Variants in DENND4A observed in about 807,000 individuals in gnomAD.
The protein encoded by DENND4A is C-myc promoter-binding protein.
In DENND4A, 70 loss-of-function variants were observed where a neutral mutation model predicts 199.3. That is an observed-to-expected ratio of 0.35 (90% CI 0.29 to 0.43). The LOEUF is 0.43. Among genes scored for constraint, DENND4A ranks in the 20% least tolerant of loss-of-function variants. The pLI is 1.00. For synonymous variants in DENND4A, 686 were observed against 766.9 expected, an observed-to-expected ratio of 0.89 and a Z score of 1.74; for missense variants, 1,723 against 2,255.8, an observed-to-expected ratio of 0.76 and a Z score of 4.78.
intron 1 of DENND4A, among the ~76,000 whole-genome samples, chr15:65,779,806 T>G (rs966837774): frequency 8.5e-5 from 13 of 152,172 alleles, no homozygotes; most frequent in Non-Finnish European, 1.8e-4. Flanking sequence ...TATACCACCA[T>G]GCCCAGCTAA....
chr15:65,674,618 G>A lies in DENND4A; in HGVS notation c.4369+1827C>T, dbSNP rs185684761. Among the ~76,000 whole-genome samples the A allele has an allele frequency of 9.9e-4, 150 of 151,992 alleles. 2 individuals carry two copies. The East Asian group carries it at 0.024, about 24-fold the overall frequency. ...AAAATAGCCGGGTGTGCTGGTGCAC[G>A]CCTGTAGTCCCAGCTACTTGGGATG... On this transcript the variant is annotated intron_variant, in intron 24 of 32. Coordinates refer to ENST00000443035, the MANE Select transcript of DENND4A (RefSeq NM_001320835.1).
chr15:65,739,508 C>G (rs543414855), intron 5 of DENND4A, among the ~76,000 whole-genome samples: 1 of 152,238 alleles, frequency 6.6e-6, no homozygotes, highest in African/African-American at 2.4e-5. Context: ...CCACTGAATA[C>G]ACTCCAGGAA....
At chr15:65,772,873 T>C (rs913522334) in intron 1 of DENND4A, among the ~76,000 whole-genome samples, 22 of 151,986 alleles carry the variant, frequency 1.4e-4, no homozygotes, top group Admixed American at 7.2e-4. Flanking sequence ...TTCCACCATG[T>C]GAGGATACAC....
intron 13 of DENND4A, 135 bp from the exon 14 acceptor site, chr15:65,715,758 G>C: frequency 5.4e-6 from 4 of 745,172 alleles, no homozygotes; most frequent in Non-Finnish European, 4.1e-6. Flanking sequence ...AGTGCTGAGA[G>C]GGAAAATGAC....
rs1278680183 is a variant in DENND4A at position 65,732,826 on chromosome 15, A to C, written c.1041-8T>G. 6.4e-7 allele frequency: 1 copy of C among 1,557,590 alleles called. No homozygotes were observed. The highest frequency in any genetic ancestry group is 8.8e-7 in the Non-Finnish European group (1 of 1,132,002). On this transcript the variant is annotated splice_polypyrimidine_tract_variant and splice_region_variant and intron_variant, in intron 7 of 32. Coordinates refer to ENST00000443035, the MANE Select transcript of DENND4A (RefSeq NM_001320835.1). ...ATAAAATGAGAAATATGCCTTGAAAACAAACAAAAGTGTAAGTGATTCCAA... is the reference window on the plus strand; with the variant it reads ...ATAAAATGAGAAATATGCCTTGAAACCAAACAAAAGTGTAAGTGATTCCAA...
At chr15:65,717,142 C>A (rs1404462332) in intron 13 of DENND4A, among the ~76,000 whole-genome samples, 1 of 152,022 alleles carries the variant, frequency 6.6e-6, no homozygotes, top group Non-Finnish European at 1.5e-5. Context: ...AACCATGTCT[C>A]TCATCTTTTA....
intron 1 of DENND4A, among the ~76,000 whole-genome samples, chr15:65,764,574 T>C (rs1489080313): frequency 6.6e-6 from 1 of 151,908 alleles, no homozygotes; most frequent in East Asian, 1.9e-4. Context: ...GAGGTTGCAG[T>C]GAGCAGAGAT....
chr15:65,697,316 A>G lies in DENND4A; in HGVS notation c.2901T>C (p.Thr967=), dbSNP rs774363079. The G allele has an allele frequency of 6.2e-7, 1 of 1,608,666 alleles. No individual in the cohort carries two copies. ...KDEVRRGDTS[T]EDIQEEKDKK... is the part of the protein sequence containing the mutation. ...TATCTTTTTCTTCTTGAATGTCTTC[A>G]GTAGATGTATCCCCTCTTCTAACTT... The change falls in exon 21 of 33, where the codon ACT becomes ACC. Residue 967 remains threonine (T), a synonymous_variant. Transcript: ENST00000443035.
chr15:65,789,025 A>G (rs749011156), intron 1 of DENND4A, among the ~76,000 whole-genome samples: 3 of 151,980 alleles, frequency 2.0e-5, no homozygotes, highest in Non-Finnish European at 2.9e-5. Context: ...TTTATATTCT[A>G]ATTTTTCTCT....
In DENND4A at chr15:65,717,840, CT is replaced by C; in HGVS notation, c.1744del (p.Arg582GlyfsTer3). ...CTCAGATGGGGCTTGTGTTATTGGC[CT>C]TAAGTATGATCTGTAACCTTTTAAA... ...SILKGYRSYLRPITQAPSETA... is the reference protein window; with the variant it reads ...SILKGYRSYLXPITQAPSETA... On this transcript the variant is annotated frameshift_variant, in exon 13 of 33. Transcript: ENST00000443035. LOFTEE classifies it high-confidence loss of function. 1 of 1,605,242 alleles carries C rather than the reference CT, an allele frequency of 6.2e-7. No individual in the cohort carries two copies. Among genetic ancestry groups the C allele is most frequent in the South Asian group, 1.1e-5 (1 of 89,392 alleles).
intron 23 of DENND4A, among the ~76,000 whole-genome samples, chr15:65,684,946 TC>T (rs1478352393): frequency 1.3e-5 from 2 of 149,704 alleles, no homozygotes; most frequent in African/African-American, 4.9e-5. Context: ...TACCTCAGCC[TC>T]CCAAGTAGCT....
chr15:65,681,989 C>A (rs2076593524), intron 23 of DENND4A, among the ~76,000 whole-genome samples: 1 of 152,162 alleles, frequency 6.6e-6, no homozygotes, highest in African/African-American at 2.4e-5. Context: ...ATTCAGTAAA[C>A]CATGTTGTAA....
intron 7 of DENND4A, among the ~76,000 whole-genome samples, chr15:65,734,951 A>T (rs957454855): frequency 2.6e-5 from 4 of 152,100 alleles, no homozygotes; most frequent in African/African-American, 9.7e-5. Flanking sequence ...GCATGGTGGC[A>T]TGTGCCTGCA....
rs1365721287 is a variant in DENND4A, at chr15:65,659,375, C to A, written c.*2476G>T. ...TTGAGACAGGGTCTTGCTCTGTAATCCAGGCTAGAGTGCAATGGCATGATC... is the reference window on the plus strand; with the variant it reads ...TTGAGACAGGGTCTTGCTCTGTAATACAGGCTAGAGTGCAATGGCATGATC... On this transcript the variant is annotated 3_prime_UTR_variant, in exon 33 of 33. Coordinates refer to ENST00000443035, the MANE Select transcript of DENND4A (RefSeq NM_001320835.1). 1 of 107,768 alleles carries A rather than the reference C, an allele frequency of 9.3e-6. No individual in the cohort carries two copies. Among genetic ancestry groups the A allele is most frequent in the Non-Finnish European group, 1.7e-5 (1 of 58,080 alleles). 6.7% of individuals were successfully genotyped at this position (107,768 alleles called of 1,614,324 possible).
In DENND4A at chr15:65,659,322, G is replaced by GTTTTTTTTTTTTTT. The variant is rs869058369; in HGVS notation, c.*2515_*2528dup. 1 of 71,604 alleles carries GTTTTTTTTTTTTTT rather than the reference G, an allele frequency of 1.4e-5. No individual in the cohort carries two copies. Among genetic ancestry groups the GTTTTTTTTTTTTTT allele is most frequent in the East Asian group, 3.4e-4 (1 of 2,924 alleles). 4.4% of individuals were successfully genotyped at this position (71,604 alleles called of 1,614,324 possible). ...TATTTTAAATGATTGATATTTTCTGGTTTTTTTTTTTTTTTTTTTTTTTTT... is the reference window on the plus strand; with the variant it reads ...TATTTTAAATGATTGATATTTTCTGGTTTTTTTTTTTTTTTTTTTTTTTTTTTTTTTTTTTTTTT... On this transcript the variant is annotated 3_prime_UTR_variant, in exon 33 of 33. Transcript: ENST00000443035.
At chr15:65,713,943 G>A (rs917269034) in intron 14 of DENND4A, among the ~76,000 whole-genome samples, 1 of 152,040 alleles carries the variant, frequency 6.6e-6, no homozygotes, top group African/African-American at 2.4e-5. Flanking sequence ...TACAGAGGTA[G>A]GGAATATATG....
chr15:65,668,837 T>C (rs1237761191), intron 27 of DENND4A, among the ~76,000 whole-genome samples: 2 of 151,132 alleles, frequency 1.3e-5, no homozygotes, highest in Non-Finnish European at 3.0e-5. Flanking sequence ...AAAAAAAGAA[T>C]CAGAGCTAGA....
intron 12 of DENND4A, among the ~76,000 whole-genome samples, chr15:65,718,759 CCTTT>C (rs1567041523): frequency 4.3e-5 from 4 of 93,582 alleles, no homozygotes; most frequent in East Asian, 4.3e-4. Flanking sequence ...TGTTTTTTTT[CCTTT>C]TTTTTTTTTT....
In DENND4A at chr15:65,729,659, G is replaced by A; in HGVS notation, c.1186C>T (p.Leu396=). ...LPLSGGKFST[L]LQNLGPENAV... ...TTTTCAGGGCCTAAATTCTGCAGTA[G>A]TGTTGAAAACTTGCCACCACTGTCA... The change falls in exon 10 of 33, where the codon CTA becomes TTA. Residue 396 remains leucine, a synonymous_variant. Transcript: ENST00000443035. The A allele has an allele frequency of 6.4e-7, 1 of 1,553,156 alleles. No individual in the cohort carries two copies. Among genetic ancestry groups the A allele is most frequent in the Non-Finnish European group, 8.7e-7 (1 of 1,148,146 alleles).
Sources: allele counts gnomAD v4.1 joint callset (sites outside exome capture counted in the v4.1 genomes callset), GRCh38; gene constraint gnomAD v4.1.1; transcripts MANE v1.5; gene names NCBI Gene and HGNC (gene_info 2026-07-23, HGNC 2026-07-21).